Variants in SNTB1 observed in about 807,000 individuals in gnomAD.
SNTB1 encodes beta-1-syntrophin.
SNTB1 carries 36 observed loss-of-function variants against 48.9 expected under a neutral mutation model. That is an observed-to-expected ratio of 0.74 (90% confidence interval 0.56 to 0.97). The LOEUF is 0.97. Ranked by LOEUF, SNTB1 falls within the 50% of genes least tolerant of loss-of-function variation. SNTB1 has a pLI of 0.00. For missense variants in SNTB1, 786 were observed against 703.4 expected (o/e 1.12, Z -1.33); for synonymous variants, 299 against 294.6 (o/e 1.01, Z -0.15).
At chr8:120,775,758 A>AAG (rs1819725403) in intron 1 of SNTB1, among the ~76,000 whole-genome samples, 4 of 112,340 alleles carry the variant, frequency 3.6e-5, no homozygotes, top group African/African-American at 9.9e-5. Flanking sequence ...AAGGAAGGAA[A>AAG]GAAGGAAAGA....
intron 3 of SNTB1, among the ~76,000 whole-genome samples, chr8:120,619,719 T>C (rs1012588544): frequency 6.6e-6 from 1 of 152,204 alleles, no homozygotes; most frequent in African/African-American, 2.4e-5. Flanking sequence ...TGACCTTGAA[T>C]GCTGATGACT....
chr8:120,730,499 A>C (rs535466635), intron 1 of SNTB1, among the ~76,000 whole-genome samples: 44 of 152,180 alleles, frequency 2.9e-4, no homozygotes, highest in African/African-American at 1.0e-3. Flanking sequence ...AGTTCTAATG[A>C]AATTTAAATA....
At chr8:120,570,517 C>T (rs1227427241) in intron 4 of SNTB1, 1 of 152,244 alleles carries the variant, frequency 6.6e-6, no homozygotes, top group Non-Finnish European at 1.5e-5. Context: ...GCAAGTGACA[C>T]ACAGTCCCGG....
intron 4 of SNTB1, among the ~76,000 whole-genome samples, chr8:120,559,407 C>T (rs139222982): frequency 2.0e-4 from 30 of 152,262 alleles, no homozygotes; most frequent in Admixed American, 6.5e-4. Context: ...TACATAAATG[C>T]GTCCCTAAGC....
At chr8:120,751,268 T>C (rs577158779) in intron 1 of SNTB1, among the ~76,000 whole-genome samples, 1 of 152,246 alleles carries the variant, frequency 6.6e-6, no homozygotes, top group Admixed American at 6.5e-5. Flanking sequence ...ATGGATGTTG[T>C]CCACATTAAG....
chr8:120,595,402 C>T (rs376363102), intron 3 of SNTB1, among the ~76,000 whole-genome samples: 32 of 152,250 alleles, frequency 2.1e-4, no homozygotes, highest in African/African-American at 7.2e-4. Context: ...CTCCCACCAG[C>T]GCCATGACAG....
intron 1 of SNTB1, among the ~76,000 whole-genome samples, chr8:120,751,700 A>G (rs576882099): frequency 1.7e-4 from 26 of 152,296 alleles, no homozygotes; most frequent in African/African-American, 6.3e-4. Context: ...TACTAGTTAT[A>G]TCTTCTCGAG....
chr8:120,797,332 A>G (rs553710958), intron 1 of SNTB1, among the ~76,000 whole-genome samples: 2 of 152,162 alleles, frequency 1.3e-5, no homozygotes, highest in South Asian at 4.1e-4. Flanking sequence ...AATATTTGAA[A>G]AGCAGTAAAT....
At chr8:120,780,228 T>C (rs1402303239) in intron 1 of SNTB1, among the ~76,000 whole-genome samples, 3 of 152,216 alleles carry the variant, frequency 2.0e-5, no homozygotes, top group Non-Finnish European at 4.4e-5. Context: ...TCTACATTTC[T>C]TTTCACCCCA....
intron 2 of SNTB1, among the ~76,000 whole-genome samples, chr8:120,643,078 T>G (rs901555068): frequency 1.3e-5 from 2 of 152,148 alleles, no homozygotes; most frequent in Non-Finnish European, 2.9e-5. Context: ...GGGTTGAGGA[T>G]CCACTTCTAA....
At chr8:120,673,845 G>A (rs559991704) in intron 2 of SNTB1, among the ~76,000 whole-genome samples, 36 of 152,146 alleles carry the variant, frequency 2.4e-4, no homozygotes, top group African/African-American at 8.2e-4. Flanking sequence ...AAGCTGAAAG[G>A]CTGCAACTGC....
chr8:120,730,291 C>T (rs1488813103), intron 1 of SNTB1, among the ~76,000 whole-genome samples: 4 of 152,148 alleles, frequency 2.6e-5, no homozygotes, highest in African/African-American at 9.7e-5. Context: ...TCCCGAGTAG[C>T]TGGGATTTCA....
intron 3 of SNTB1, among the ~76,000 whole-genome samples, chr8:120,598,444 G>A (rs1816362650): frequency 6.6e-6 from 1 of 152,178 alleles, no homozygotes; most frequent in Non-Finnish European, 1.5e-5. Context: ...TGTCATTTAT[G>A]GCTGAATCAC....
chr8:120,766,576 A>T (rs930145085), intron 1 of SNTB1, among the ~76,000 whole-genome samples: 4 of 152,186 alleles, frequency 2.6e-5, no homozygotes, highest in Non-Finnish European at 4.4e-5. Flanking sequence ...AAGTCATTTA[A>T]CATAAATCTG....
At chr8:120,806,325 A>C (rs554967401) in intron 1 of SNTB1, among the ~76,000 whole-genome samples, 5 of 152,308 alleles carry the variant, frequency 3.3e-5, no homozygotes, top group Admixed American at 3.3e-4. Flanking sequence ...CTAGCTCCTA[A>C]ATGTAAATGA....
At chr8:120,810,819 G>A (rs1820412764) in intron 1 of SNTB1, among the ~76,000 whole-genome samples, 2 of 152,204 alleles carry the variant, frequency 1.3e-5, no homozygotes, top group African/African-American at 4.8e-5. Context: ...GGGAAATTTT[G>A]CCAAAGCGGA....
At chr8:120,715,341 G>C (rs1020000684) in intron 1 of SNTB1, among the ~76,000 whole-genome samples, 8 of 152,184 alleles carry the variant, frequency 5.3e-5, no homozygotes, top group Admixed American at 4.6e-4. Context: ...TAACTTGCTT[G>C]TATTTCAGTG....
chr8:120,801,079 C>G (rs1198206956), intron 1 of SNTB1, among the ~76,000 whole-genome samples: 2 of 151,792 alleles, frequency 1.3e-5, no homozygotes, highest in East Asian at 3.9e-4. Context: ...CAAAGAAATG[C>G]TGTAATCATA....
At chr8:120,810,383 G>A (rs1480576066) in intron 1 of SNTB1, among the ~76,000 whole-genome samples, 1 of 152,130 alleles carries the variant, frequency 6.6e-6, no homozygotes, top group Non-Finnish European at 1.5e-5. Context: ...AGTGCAAAAC[G>A]GTGGTTCCTA....
Sources: gnomAD v4.1 joint callset for allele counts (sites outside exome capture counted in the v4.1 genomes callset) on GRCh38, gnomAD v4.1.1 for gene constraint, MANE v1.5 for transcripts, NCBI Gene and HGNC (gene_info 2026-07-23, HGNC 2026-07-21) for gene names.